NKAIN2: variants seen among roughly 807,000 people sequenced by gnomAD.
The protein encoded by NKAIN2 is sodium/potassium transporting ATPase interacting 2, also known as sodium/potassium-transporting ATPase subunit beta-1-interacting protein 2.
In NKAIN2, 14 loss-of-function variants were observed where a neutral mutation model predicts 32.6. The observed-to-expected ratio is 0.43, with a 90% CI of 0.28 to 0.67. The LOEUF is 0.67. Among genes scored for constraint, NKAIN2 ranks in the 30% least tolerant of loss-of-function variants. NKAIN2 has a pLI of 0.17. For synonymous variants in NKAIN2, 80 were observed against 87.2 expected (o/e 0.92, Z 0.46); for missense variants, 198 against 258.3 (o/e 0.77, Z 1.60).
chr6:124,393,020 C>T (rs1180218376), intron 3 of NKAIN2, among the ~76,000 whole-genome samples: 3 of 152,080 alleles, frequency 2.0e-5, no homozygotes, highest in African/African-American at 7.2e-5. Context: ...CAAATAAATA[C>T]ATAAATACAG....
At chr6:124,278,859 T>G (rs1795162923) in intron 1 of NKAIN2, among the ~76,000 whole-genome samples, 1 of 151,650 alleles carries the variant, frequency 6.6e-6, no homozygotes, top group African/African-American at 2.4e-5. Flanking sequence ...TATAATGCAC[T>G]TATGGATGTT....
chr6:124,807,799 G>T (rs1243472826), intron 5 of NKAIN2, among the ~76,000 whole-genome samples: 1 of 150,704 alleles, frequency 6.6e-6, no homozygotes, highest in Non-Finnish European at 1.5e-5. Context: ...TGATAAAGGG[G>T]ATATCACCAC....
chr6:124,549,019 A>G (rs1434440369), intron 3 of NKAIN2, among the ~76,000 whole-genome samples: 1 of 152,148 alleles, frequency 6.6e-6, no homozygotes, highest in Non-Finnish European at 1.5e-5. Flanking sequence ...AACCACAGAC[A>G]ACTCTTTTGA....
chr6:124,623,577 A>G (rs1336614453), intron 3 of NKAIN2, among the ~76,000 whole-genome samples: 1 of 152,206 alleles, frequency 6.6e-6, no homozygotes, highest in African/African-American at 2.4e-5. Flanking sequence ...CAAGCATAGT[A>G]TGAAATTGTA....
At chr6:124,525,529 G>A (rs934231510) in intron 3 of NKAIN2, among the ~76,000 whole-genome samples, 4 of 152,014 alleles carry the variant, frequency 2.6e-5, no homozygotes, top group African/African-American at 9.7e-5. Context: ...AGGGGCAGAA[G>A]CAATGATGGA....
chr6:124,709,779 C>T lies in NKAIN2; in HGVS notation c.474+51393C>T, dbSNP rs568981007. 1.3e-3 allele frequency among the ~76,000 whole-genome samples: 201 copies of T among 151,614 alleles called. 3 individuals are homozygous for T. The highest frequency in any genetic ancestry group is 1.3e-3 in the Non-Finnish European group (89 of 67,852). On this transcript the variant is annotated intron_variant, in intron 4 of 6. Transcript: ENST00000368417. ...AATTTTATTGATCCTTTCAAAAAACCAGCTCCTGGATTCATTAATTTTTTG... is the reference window on the plus strand; with the variant it reads ...AATTTTATTGATCCTTTCAAAAAACTAGCTCCTGGATTCATTAATTTTTTG...
chr6:124,306,718 A>C (rs1796518663), intron 2 of NKAIN2, among the ~76,000 whole-genome samples: 1 of 152,142 alleles, frequency 6.6e-6, no homozygotes. Context: ...GTATACAATA[A>C]AAAATTCTGT....
At chr6:123,920,044 G>T (rs995879577) in intron 1 of NKAIN2, among the ~76,000 whole-genome samples, 2 of 151,986 alleles carry the variant, frequency 1.3e-5, no homozygotes, top group East Asian at 1.9e-4. Flanking sequence ...TATGAAAAGT[G>T]CCTCCTTAGT....
At chr6:124,729,556 T>C (rs1776541482) in intron 4 of NKAIN2, among the ~76,000 whole-genome samples, 1 of 151,726 alleles carries the variant, frequency 6.6e-6, no homozygotes, top group Admixed American at 6.6e-5. Context: ...ATGGGACATA[T>C]TTCAAAATAA....
intron 1 of NKAIN2, among the ~76,000 whole-genome samples, chr6:124,254,415 G>A (rs1020809206): frequency 3.9e-5 from 6 of 152,194 alleles, no homozygotes; most frequent in Non-Finnish European, 7.3e-5. Context: ...AGGAAATGGT[G>A]AATTGCTTTC....
chr6:124,638,243 A>C (rs1022579132), intron 3 of NKAIN2, among the ~76,000 whole-genome samples: 1 of 152,144 alleles, frequency 6.6e-6, no homozygotes, highest in African/African-American at 2.4e-5. Context: ...CCTCTCTCTC[A>C]CCATATCCAA....
At chr6:124,158,112 A>G (rs1034911869) in intron 1 of NKAIN2, among the ~76,000 whole-genome samples, 27 of 152,170 alleles carry the variant, frequency 1.8e-4, no homozygotes, top group Admixed American at 1.6e-3. Flanking sequence ...TTAAACAACA[A>G]CAATTTATTT....
At chr6:124,290,363 T>C (rs1379535406) in intron 2 of NKAIN2, among the ~76,000 whole-genome samples, 1 of 146,748 alleles carries the variant, frequency 6.8e-6, no homozygotes, top group African/African-American at 2.7e-5. Context: ...TAAGTATTAG[T>C]TTCTTTTTCT....
At chr6:124,330,906 G>A (rs1423907039) in intron 2 of NKAIN2, among the ~76,000 whole-genome samples, 1 of 151,902 alleles carries the variant, frequency 6.6e-6, no homozygotes, top group Admixed American at 6.5e-5. Context: ...TCTAGGTTGC[G>A]TGCTCCTTAT....
chr6:124,693,175 C>T (rs1286557000), intron 4 of NKAIN2, among the ~76,000 whole-genome samples: 1 of 152,168 alleles, frequency 6.6e-6, no homozygotes, highest in Non-Finnish European at 1.5e-5. Flanking sequence ...CAACCACAGA[C>T]CACATATACA....
intron 1 of NKAIN2, among the ~76,000 whole-genome samples, chr6:124,048,115 C>T (rs1199665708): frequency 6.6e-6 from 1 of 152,036 alleles, no homozygotes; most frequent in Non-Finnish European, 1.5e-5. Context: ...GCTTCTGGTG[C>T]CTCTTCTGCT....
intron 3 of NKAIN2, among the ~76,000 whole-genome samples, chr6:124,437,512 T>C (rs1775501095): frequency 6.6e-6 from 1 of 152,186 alleles, no homozygotes; most frequent in Non-Finnish European, 1.5e-5. Context: ...TCTCACCTTC[T>C]GATTTCCATT....
At chr6:124,730,661 A>T (rs1776617932) in intron 4 of NKAIN2, among the ~76,000 whole-genome samples, 2 of 146,332 alleles carry the variant, frequency 1.4e-5, no homozygotes. Context: ...CAAGGACTTC[A>T]TGTCTAAAAC....
intron 1 of NKAIN2, chr6:124,121,961 A>G (rs1562370359): frequency 3.0e-6 from 3 of 1,007,656 alleles, no homozygotes; most frequent in Non-Finnish European, 4.1e-6. Flanking sequence ...TCAGAGTAAT[A>G]TTTTTCCATT....
Sources: allele counts gnomAD v4.1 joint callset (sites outside exome capture counted in the v4.1 genomes callset), GRCh38; gene constraint gnomAD v4.1.1; transcripts MANE v1.5; gene names NCBI Gene and HGNC (gene_info 2026-07-23, HGNC 2026-07-21).